The following RTL5 variants were observed in gnomAD, a reference collection of about 807,000 sequenced individuals.
RTL5 encodes the protein retrotransposon Gag-like protein 5.
Under a neutral mutation model 7.7 loss-of-function variants are expected in RTL5, and 8 were observed. The observed-to-expected ratio is 1.04, with a 90% confidence interval of 0.61 to 1.88. RTL5 has a LOEUF of 1.88. RTL5 is among the 40% of genes most tolerant of loss of function. The probability of loss-of-function intolerance (pLI) is 0.00; values close to 1 mark genes in which losing one functional copy is unlikely to be tolerated. For synonymous variants in RTL5, 188 were observed against 191.8 expected, an observed-to-expected ratio of 0.98 and a Z score of 0.16; for missense variants, 457 against 472.7, an observed-to-expected ratio of 0.97 and a Z score of 0.31.
exon 1 of RTL5, chrX:72,130,220 C>G: frequency 8.3e-7 from 1 of 1,210,328 alleles, no homozygotes; most frequent in Non-Finnish European, 1.1e-6. Flanking sequence ...GTCCCTGGAT[C>G]CTGCTGTGGC....
exon 1 of RTL5, chrX:72,131,386 C>A (rs753008667): frequency 8.3e-7 from 1 of 1,211,254 alleles, no homozygotes; most frequent in East Asian, 3.0e-5. Context: ...GCGGATGTAG[C>A]TGGAGACATT....
rs764087592 is a variant in RTL5 at position 72,131,081 on chromosome X, C to G, written c.460G>C (p.Glu154Gln). Residue 154 changes from glutamate to glutamine, a missense_variant, in exon 1 of 1, where the codon GAG becomes CAG. Glu to Gln is a conservative substitution (Grantham distance 29). Coordinates refer to ENST00000609883, the Ensembl canonical transcript of RTL5. ...TAGACTGGGTCTCCTGAAAAGGGCT[C>G]TATCTCAGGCCGCTCCAGCGGTGCC... 21 of 1,207,150 alleles carry G rather than the reference C, an allele frequency of 1.7e-5. No homozygotes were observed. The South Asian group carries it at 2.1e-4, about 12-fold the overall frequency.
At chrX:72,130,965 G>T (rs1569482981) in exon 1 of RTL5, 9 of 1,211,701 alleles carry the variant, frequency 7.4e-6, no homozygotes, top group African/African-American at 1.7e-5. Flanking sequence ...TGAAAAAGGA[G>T]ATCAGAAAGG....
At chrX:72,130,251 C>T in exon 1 of RTL5, 1 of 1,208,988 alleles carries the variant, frequency 8.3e-7, no homozygotes, top group Non-Finnish European at 1.1e-6. Context: ...GTTTCTGGCC[C>T]CCATCCTCAT....
exon 1 of RTL5, chrX:72,130,953 A>G (rs1399249573): frequency 8.3e-7 from 1 of 1,211,746 alleles, no homozygotes. Flanking sequence ...TGGCTTCGCC[A>G]GTGAAAAAGG....
chrX:72,129,905 G>A lies in RTL5; in HGVS notation c.1636C>T (p.Arg546Cys), dbSNP rs1326767228. 5 of 1,208,872 alleles carry A rather than the reference G, an allele frequency of 4.1e-6. No homozygotes were observed. The highest frequency in any genetic ancestry group is 3.5e-5 in the African/African-American group (2 of 57,069). ...GTGAGGCGGAAAAGCACAGGGGGGC[G>A]TCTTCGAACTTGGCGTTGTCCTAAA... The change falls in exon 1 of 1, where the codon CGC (arginine) becomes TGC (cysteine). Residue 546 changes from arginine (R) to cysteine (C), a missense_variant. Physicochemically the swap from Arg to Cys is radical, Grantham distance 180. Transcript: ENST00000609883.
At chrX:72,131,331 C>T in exon 1 of RTL5, 1 of 1,203,006 alleles carries the variant, frequency 8.3e-7, no homozygotes, top group Admixed American at 2.2e-5. Flanking sequence ...TGAGCGCGAA[C>T]TCCAAGTTCT....
chrX:72,128,902 A>G (rs1355337646), exon 1 of RTL5: 1 of 113,693 alleles, frequency 8.8e-6, no homozygotes, highest in Admixed American at 9.2e-5. Context: ...ACTCTTTACA[A>G]TGGCAGAATG....
At chrX:72,131,594 C>G (rs1171380328) in exon 1 of RTL5, 1 of 1,104,049 alleles carries the variant, frequency 9.1e-7, no homozygotes, top group East Asian at 3.1e-5. Context: ...GGAACTGGAA[C>G]TACGGGCGGC....
exon 1 of RTL5, chrX:72,130,465 G>C: frequency 1.7e-6 from 2 of 1,209,707 alleles, no homozygotes; most frequent in East Asian, 5.9e-5. Flanking sequence ...CTGGTCCTTG[G>C]AGTGAAGCCT....
chrX:72,131,467 A>C, exon 1 of RTL5: 5 of 1,209,017 alleles, frequency 4.1e-6, no homozygotes, highest in Non-Finnish European at 5.6e-6. Context: ...CTCCCCGCGA[A>C]GGGCATTTAA....
chrX:72,130,425 C>G (rs1335718860), exon 1 of RTL5: 20 of 1,199,728 alleles, frequency 1.7e-5, no homozygotes, highest in Middle Eastern at 4.6e-4. Context: ...TCTCCTTCAT[C>G]TCTTGCTGAA....
rs181244327 is a variant in RTL5 at position 72,131,449 on chromosome X, T to C, written c.92A>G (p.Asn31Ser). 1.7e-3 allele frequency: 2,066 copies of C among 1,208,382 alleles called. 27 individuals are homozygous for C. In the African/African-American group the frequency reaches 0.031, roughly 18 times the overall value. Residue 31 changes from asparagine (N) to serine (S), a missense_variant, in exon 1 of 1, where the codon AAT becomes AGT. Physicochemically the swap from Asn to Ser is conservative, Grantham distance 46. Coordinates refer to ENST00000609883, the Ensembl canonical transcript of RTL5. Reference sequence around the variant, plus strand: ...GGCTCTCCCGAGCTGGAGGCCCAAATTGGCATTCTCCCCGCGAAGGGCATT... The same window carrying C: ...GGCTCTCCCGAGCTGGAGGCCCAAACTGGCATTCTCCCCGCGAAGGGCATT...
exon 1 of RTL5, chrX:72,130,507 C>T (rs2042280033): frequency 8.3e-7 from 1 of 1,211,066 alleles, no homozygotes; most frequent in Non-Finnish European, 1.1e-6. Context: ...TTCATCTTCA[C>T]TGTAGTACTC....
chrX:72,129,931 C>T lies in RTL5; in HGVS notation c.1610G>A (p.Arg537His), dbSNP rs373524278. The T allele has an allele frequency of 9.9e-6, 12 of 1,209,369 alleles. No homozygotes were observed. The highest frequency in any genetic ancestry group is 7.0e-5 in the African/African-American group (4 of 57,036). Residue 537 changes from arginine to histidine, a missense_variant, in exon 1 of 1, where the codon CGT (arginine) becomes CAT (histidine). Transcript: ENST00000609883. ...TCTTCGAACTTGGCGTTGTCCTAAA[C>T]GACCTGTGCGGCGAATCAGTTGGGG... is the stretch of plus-strand genomic sequence containing the variant.
chrX:72,131,462 C>A (rs1208319217), exon 1 of RTL5: 1 of 1,208,794 alleles, frequency 8.3e-7, no homozygotes, highest in East Asian at 3.0e-5. Flanking sequence ...GCATTCTCCC[C>A]GCGAAGGGCA....
At chrX:72,130,257 C>G (rs1556370493) in exon 1 of RTL5, 1 of 1,207,577 alleles carries the variant, frequency 8.3e-7, no homozygotes, top group Non-Finnish European at 1.1e-6. Flanking sequence ...GGCCCCCATC[C>G]TCATCTTCAT....
chrX:72,130,937 A>T, exon 1 of RTL5: 1 of 1,211,959 alleles, frequency 8.3e-7, no homozygotes, highest in African/African-American at 1.7e-5. Context: ...GAGATGGCCC[A>T]GTCCTTGGCT....
chrX:72,130,044 G>A (rs2042270644), exon 1 of RTL5: 1 of 1,211,237 alleles, frequency 8.3e-7, no homozygotes, highest in East Asian at 3.0e-5. Context: ...GCTGTATTAT[G>A]GGAGGTGATG....
Sources: allele counts gnomAD v4.1 joint callset, GRCh38; gene constraint gnomAD v4.1.1; transcripts MANE v1.5; gene names NCBI Gene and HGNC (gene_info 2026-07-23, HGNC 2026-07-21).